DAGLB: variants seen among roughly 807,000 people sequenced by gnomAD.
The protein encoded by DAGLB is diacylglycerol lipase beta.
Under a neutral mutation model 72.1 loss-of-function variants are expected in DAGLB, and 66 were observed. The observed-to-expected ratio is 0.92, with a 90% confidence interval of 0.75 to 1.12. DAGLB has a LOEUF of 1.12. Ranked by LOEUF, DAGLB falls within the 50% of genes most tolerant of loss-of-function variation. The pLI is 0.00. For synonymous variants in DAGLB, 414 were observed against 359.5 expected (o/e 1.15, Z -1.71); for missense variants, 1,065 against 884.9 (o/e 1.20, Z -2.58).
chr7:6,422,418 C>A, intron 8 of DAGLB: 2 of 198,548 alleles, frequency 1.0e-5, no homozygotes, highest in South Asian at 1.6e-4. Context: ...GGTCCACAGG[C>A]GAGTGCTGTG....
In DAGLB at chr7:6,416,898, G is replaced by T. The variant is rs771458012; in HGVS notation, c.1242C>A (p.Tyr414Ter). 6.2e-7 allele frequency: 1 copy of T among 1,614,186 alleles called. No individual in the cohort carries two copies. The highest frequency in any genetic ancestry group is 8.5e-7 in the Non-Finnish European group (1 of 1,180,026). The change falls in exon 10 of 15, where the codon TAC becomes TAA. Residue 414 changes from tyrosine (Y) to a stop codon, truncating the protein, a stop_gained. Coordinates refer to ENST00000297056, the MANE Select transcript of DAGLB (RefSeq NM_139179.4). LOFTEE classifies it high-confidence loss of function. ...AHKGISQAAR[Y>*]VYQRLINDGI... Reference sequence around the variant, plus strand: ...CGTCGTTGATGAGTCGTTGGTAAACGTATCTGGCAGCTTGAGAAATACCCT... The same window carrying T: ...CGTCGTTGATGAGTCGTTGGTAAACTTATCTGGCAGCTTGAGAAATACCCT...
intron 1 of DAGLB, 72 bp from the exon 2 acceptor site, chr7:6,446,176 A>C: frequency 1.3e-6 from 2 of 1,493,236 alleles, no homozygotes; most frequent in Non-Finnish European, 1.8e-6. Flanking sequence ...TGATACAAAG[A>C]AATAAAAGGG....
rs1306804230 is a variant in DAGLB at position 6,430,522 on chromosome 7, T to C, written c.887A>G (p.Tyr296Cys). 1 of 1,601,156 alleles carries C rather than the reference T, an allele frequency of 6.2e-7. No homozygotes were observed. The highest frequency in any genetic ancestry group is 8.5e-7 in the Non-Finnish European group (1 of 1,171,508). The change falls in exon 6 of 15, where the codon TAC becomes TGC. Residue 296 changes from tyrosine (Y) to cysteine (C), a missense_variant. Transcript: ENST00000297056. ...GCACAGCCCCGTGAGGGGGTTTCTG[T>C]AGATGTAGAGGGGCCACCCATAGGC... ...AAAYGWPLYI[Y>C]RNPLTGLCRI...
intron 13 of DAGLB, 89 bp downstream of exon 13, chr7:6,412,722 A>C (rs1346901952): frequency 7.0e-7 from 1 of 1,433,046 alleles, no homozygotes; most frequent in Non-Finnish European, 9.6e-7. Flanking sequence ...AGTGCCCTGC[A>C]CTGAGGGTGC....
chr7:6,419,621 A>T (rs557319424), intron 9 of DAGLB, among the ~76,000 whole-genome samples: 1 of 152,326 alleles, frequency 6.6e-6, no homozygotes, highest in South Asian at 2.1e-4. Flanking sequence ...CCAAGGGATG[A>T]ACTGTCACTA....
rs1339944051 is a variant in DAGLB, at chr7:6,446,427, G to A, written c.96-323C>T. On this transcript the variant is annotated intron_variant, in intron 1 of 14. Transcript: ENST00000297056. ...TGGGACGTGGAGGTGGCAGTGAGCCGAGATCGTGTCACTGCACTCCAGCCT... is the reference window on the plus strand; with the variant it reads ...TGGGACGTGGAGGTGGCAGTGAGCCAAGATCGTGTCACTGCACTCCAGCCT... Among the ~76,000 whole-genome samples the A allele has an allele frequency of 9.6e-5, 12 of 125,444 alleles. No individual in the cohort carries two copies. The East Asian group carries it at 2.2e-3, about 23-fold the overall frequency. 82.3% of individuals were successfully genotyped at this position (125,444 alleles called of 152,430 possible). A position where few individuals can be genotyped will look rare whatever the true frequency, so the allele number is the denominator to read the frequency against.
At chr7:6,418,449 T>C (rs1456214688) in intron 9 of DAGLB, among the ~76,000 whole-genome samples, 3 of 152,006 alleles carry the variant, frequency 2.0e-5, no homozygotes, top group East Asian at 1.9e-4. Context: ...CTAAAAAAAT[T>C]TTTAAAAAAG....
At chr7:6,437,613 T>C (rs1447744873) in intron 2 of DAGLB, among the ~76,000 whole-genome samples, 2 of 152,046 alleles carry the variant, frequency 1.3e-5, no homozygotes, top group Non-Finnish European at 2.9e-5. Flanking sequence ...CATAGTCCCA[T>C]AGACAGTTGT....
chr7:6,440,199 A>C (rs1784786122), intron 2 of DAGLB, among the ~76,000 whole-genome samples: 1 of 151,714 alleles, frequency 6.6e-6, no homozygotes, highest in African/African-American at 2.4e-5. Context: ...AGCCTGACCA[A>C]CATGGAGAAA....
intron 6 of DAGLB, 144 bp from the exon 7 acceptor site, chr7:6,426,258 T>G: frequency 8.4e-7 from 1 of 1,186,522 alleles, no homozygotes; most frequent in Non-Finnish European, 1.2e-6. Context: ...GAATGGCTTT[T>G]TAAAACTTAA....
intron 11 of DAGLB, among the ~76,000 whole-genome samples, chr7:6,415,701 C>T (rs187809123): frequency 7.5e-4 from 114 of 151,468 alleles, no homozygotes; most frequent in Admixed American, 3.5e-3. Context: ...AAAAATTAGC[C>T]GGGTGTGGTG....
chr7:6,443,249 T>TAAAAAAAA (rs60124255), intron 2 of DAGLB, among the ~76,000 whole-genome samples: 5 of 78,152 alleles, frequency 6.4e-5, no homozygotes, highest in Non-Finnish European at 8.1e-5. Flanking sequence ...TTGTCTCTAC[T>TAAAAAAAA]AAAAAAAAAA....
In DAGLB at chr7:6,416,621, G is replaced by A. The variant is rs1413510000; in HGVS notation, c.1427+6C>T. 6.3e-7 allele frequency: 1 copy of A among 1,592,660 alleles called. No homozygotes were observed. The highest frequency in any genetic ancestry group is 8.5e-7 in the Non-Finnish European group (1 of 1,170,450). On this transcript the variant is annotated splice_donor_region_variant and intron_variant, in intron 11 of 14. Transcript: ENST00000297056. ...AAGCTGTTAGAGCAGGAAAACAAAG[G>A]CTCACCTCCACAGCCCCCGGGGTGG...
chr7:6,424,509 C>T (rs1266322709), intron 8 of DAGLB, among the ~76,000 whole-genome samples: 5 of 152,178 alleles, frequency 3.3e-5, no homozygotes, highest in Non-Finnish European at 7.4e-5. Context: ...CTGGGAGCTC[C>T]TGTGGCGGGG....
intron 8 of DAGLB, among the ~76,000 whole-genome samples, chr7:6,423,590 AT>A (rs1312490603): frequency 1.4e-5 from 2 of 143,976 alleles, no homozygotes; most frequent in Non-Finnish European, 3.0e-5. Flanking sequence ...TGCCCGGCTA[AT>A]TTTTTTTTTT....
chr7:6,419,972 A>G (rs1396985010), intron 9 of DAGLB, among the ~76,000 whole-genome samples: 2 of 152,134 alleles, frequency 1.3e-5, no homozygotes, highest in African/African-American at 4.8e-5. Context: ...GAGAGACCCC[A>G]TCTCTACAAA....
intron 6 of DAGLB, among the ~76,000 whole-genome samples, chr7:6,426,588 A>G (rs1784318321): frequency 6.6e-6 from 1 of 152,144 alleles, no homozygotes; most frequent in Admixed American, 6.6e-5. Flanking sequence ...CTTATTAAAG[A>G]TAATACCTCT....
Position 6,445,974 on chromosome 7 carries a change from TG to T in DAGLB, c.225del (p.Ile76SerfsTer6), listed in dbSNP as rs766943945. ...TTACCTCTCATGCTGACACACATGA[TG>T]GCTGACACAGTACATATGACAACTG... is the stretch of plus-strand genomic sequence containing the variant. ...LLAVVICTVS[A>X]IMCVSMRGTI... On this transcript the variant is annotated frameshift_variant, in exon 2 of 15. Coordinates refer to ENST00000297056, the MANE Select transcript of DAGLB (RefSeq NM_139179.4). LOFTEE classifies it high-confidence loss of function. 6.2e-7 allele frequency: 1 copy of T among 1,603,876 alleles called. No homozygotes were observed. The highest frequency in any genetic ancestry group is 1.1e-5 in the South Asian group (1 of 89,566).
chr7:6,433,715 C>A (rs1201980641), intron 4 of DAGLB, among the ~76,000 whole-genome samples: 1 of 152,076 alleles, frequency 6.6e-6, no homozygotes, highest in Non-Finnish European at 1.5e-5. Context: ...TGGCAGGTGC[C>A]TGTCATCCCA....
Sources: allele counts gnomAD v4.1 joint callset (sites outside exome capture counted in the v4.1 genomes callset), GRCh38; gene constraint gnomAD v4.1.1; transcripts MANE v1.5; gene names NCBI Gene and HGNC (gene_info 2026-07-23, HGNC 2026-07-21).